The following ANKRD30A variants were observed in gnomAD, a reference collection of about 807,000 sequenced individuals.
ANKRD30A encodes the protein ankyrin repeat domain 30A.
A neutral mutation model predicts 166.3 loss-of-function variants in ANKRD30A; 170 were observed. The observed-to-expected ratio is 1.02, with a 90% CI of 0.90 to 1.16. ANKRD30A has a LOEUF of 1.16. Among genes scored for constraint, ANKRD30A ranks in the 50% most tolerant of loss-of-function variants. The pLI is 0.00. For missense variants in ANKRD30A, 1,630 were observed against 1,518.0 expected (o/e 1.07, Z -1.23); for synonymous variants, 564 against 508.9 (o/e 1.11, Z -1.46).
intron 25 of ANKRD30A, among the ~76,000 whole-genome samples, chr10:37,192,752 T>G (rs934682141): frequency 1.2e-4 from 19 of 152,098 alleles, no homozygotes; most frequent in Non-Finnish European, 2.8e-4. Flanking sequence ...ATACAACTTC[T>G]TTCCTTATAC....
At position 37,219,465 on chromosome 10, in the gene ANKRD30A, A is replaced by G; in HGVS notation, c.3753A>G (p.Gln1251=). Reference sequence around the variant, plus strand: ...TATATAACAATGAGGTGCTCCATCAACCACTTTCTGAAGCTCAAAGGAAAT... The same window carrying G: ...TATATAACAATGAGGTGCTCCATCAGCCACTTTCTGAAGCTCAAAGGAAAT... ...STIYNNEVLH[Q]PLSEAQRKSK... Residue 1251 remains glutamine, a synonymous_variant, in exon 34 of 36, where the codon CAA becomes CAG. Transcript: ENST00000361713. 1 of 1,610,196 alleles carries G rather than the reference A, an allele frequency of 6.2e-7. No individual in the cohort carries two copies. Among genetic ancestry groups the G allele is most frequent in the Non-Finnish European group, 8.5e-7 (1 of 1,177,606 alleles).
In ANKRD30A at chr10:37,219,385, A is replaced by T. The variant is rs1321258303; in HGVS notation, c.3673A>T (p.Ile1225Phe). 2 of 1,610,610 alleles carry T rather than the reference A, an allele frequency of 1.2e-6. No individual in the cohort carries two copies. Among genetic ancestry groups the T allele is most frequent in the Middle Eastern group, 1.7e-4 (1 of 6,042 alleles). Residue 1225 changes from isoleucine (I) to phenylalanine (F), a missense_variant, in exon 34 of 36, where the codon ATT becomes TTT. By Grantham distance (21) the Ile-to-Phe change is conservative. Coordinates refer to ENST00000361713, the MANE Select transcript of ANKRD30A (RefSeq NM_052997.3). ...SRKSQEPAFH[I>F]AGDACLQRKM... Reference sequence around the variant, plus strand: ...AAAAAGTCAAGAACCTGCTTTCCACATTGCAGGAGATGCTTGTTTGCAAAG... The same window carrying T: ...AAAAAGTCAAGAACCTGCTTTCCACTTTGCAGGAGATGCTTGTTTGCAAAG...
chr10:37,225,570 A>G (rs1564596384), intron 34 of ANKRD30A, among the ~76,000 whole-genome samples: 1 of 151,886 alleles, frequency 6.6e-6, no homozygotes, highest in African/African-American at 2.4e-5. Flanking sequence ...CTACCCACAT[A>G]CTTTGGGGAA....
intron 15 of ANKRD30A, among the ~76,000 whole-genome samples, chr10:37,159,243 A>G (rs1345024830): frequency 2.6e-5 from 4 of 152,192 alleles, no homozygotes; most frequent in Non-Finnish European, 5.9e-5. Context: ...CAGGCTGTGC[A>G]TGGTGACACG....
intron 34 of ANKRD30A, among the ~76,000 whole-genome samples, chr10:37,227,957 G>C (rs1257740247): frequency 6.6e-6 from 1 of 151,916 alleles, no homozygotes; most frequent in Non-Finnish European, 1.5e-5. Flanking sequence ...ATCCTCTTTT[G>C]ACCTGGCACC....
the ANKRD30A span, among the ~76,000 whole-genome samples, chr10:37,251,436 G>A: frequency 2.6e-5 from 4 of 152,106 alleles, no homozygotes; most frequent in Non-Finnish European, 4.4e-5. Context: ...AAGGACCCTT[G>A]TCTAACACAG....
chr10:37,137,154 A>G (rs1010640946), intron 6 of ANKRD30A, among the ~76,000 whole-genome samples: 4 of 152,078 alleles, frequency 2.6e-5, no homozygotes, highest in Non-Finnish European at 5.9e-5. Flanking sequence ...AATAAATTTT[A>G]TTACAAATTA....
the ANKRD30A span, among the ~76,000 whole-genome samples, chr10:37,265,465 T>C: frequency 6.6e-6 from 1 of 152,142 alleles, no homozygotes; most frequent in African/African-American, 2.4e-5. Flanking sequence ...TCTGGGTGTA[T>C]TTCTCTGCAC....
chr10:37,216,409 T>C lies in ANKRD30A; in HGVS notation c.3083+15T>C, dbSNP rs1265188697. On this transcript the variant is annotated intron_variant, in intron 32 of 35. Coordinates refer to ENST00000361713, the MANE Select transcript of ANKRD30A (RefSeq NM_052997.3). ...TGCAGTGTGAGGTGTGATTTCCTAGTTTTAAATAAATATTTCAGCTATTTA... is the reference window on the plus strand; with the variant it reads ...TGCAGTGTGAGGTGTGATTTCCTAGCTTTAAATAAATATTTCAGCTATTTA... 2 of 1,568,242 alleles carry C rather than the reference T, an allele frequency of 1.3e-6. No individual in the cohort carries two copies. The highest frequency in any genetic ancestry group is 2.0e-5 in the Admixed American group (1 of 50,404).
chr10:37,192,822 T>C (rs961968375), intron 25 of ANKRD30A, among the ~76,000 whole-genome samples: 35 of 152,014 alleles, frequency 2.3e-4, no homozygotes, highest in African/African-American at 7.5e-4. Context: ...ACCTTAAATA[T>C]ATTTTCAATG....
intron 31 of ANKRD30A, among the ~76,000 whole-genome samples, chr10:37,207,334 G>A (rs1271561324): frequency 6.6e-6 from 1 of 152,054 alleles, no homozygotes; most frequent in East Asian, 1.9e-4. Flanking sequence ...AGTGTATCTT[G>A]TACTTCAGAA....
the ANKRD30A span, among the ~76,000 whole-genome samples, chr10:37,254,344 G>T: frequency 1.3e-5 from 2 of 152,122 alleles, no homozygotes; most frequent in Non-Finnish European, 2.9e-5. Context: ...ATGTATGAAA[G>T]ATCTAATTTC....
chr10:37,164,947 G>T (rs978781913), intron 17 of ANKRD30A, 147 bp from the exon 18 acceptor site: 1 of 764,156 alleles, frequency 1.3e-6, no homozygotes, highest in Non-Finnish European at 2.2e-6. Context: ...AATGACTATA[G>T]AAGTAGTCAT....
chr10:37,246,336 C>T, the ANKRD30A span, among the ~76,000 whole-genome samples: 1 of 152,170 alleles, frequency 6.6e-6, no homozygotes, highest in Non-Finnish European at 1.5e-5. Flanking sequence ...TCTAACCTTG[C>T]ATTTGTCCGA....
chr10:37,147,129 A>G (rs1837564651), intron 8 of ANKRD30A, among the ~76,000 whole-genome samples: 2 of 152,232 alleles, frequency 1.3e-5, no homozygotes, highest in African/African-American at 2.4e-5. Context: ...ATTTTTGTCA[A>G]TGTTATTTAT....
intron 13 of ANKRD30A, among the ~76,000 whole-genome samples, chr10:37,157,434 T>C (rs868272052): frequency 1.9e-4 from 29 of 152,210 alleles, no homozygotes; most frequent in Admixed American, 1.2e-3. Flanking sequence ...GGCATGATCT[T>C]GGCTCATTGC....
the ANKRD30A span, among the ~76,000 whole-genome samples, chr10:37,243,784 G>A: frequency 1.3e-5 from 2 of 152,032 alleles, no homozygotes; most frequent in African/African-American, 4.8e-5. Context: ...TGAAATCAAT[G>A]TGTGCTTTAT....
chr10:37,212,657 G>T (rs1420392592), intron 31 of ANKRD30A, among the ~76,000 whole-genome samples: 1 of 151,974 alleles, frequency 6.6e-6, no homozygotes, highest in Non-Finnish European at 1.5e-5. Context: ...CATGGTACTG[G>T]TACCAAAACA....
intron 1 of ANKRD30A, among the ~76,000 whole-genome samples, chr10:37,126,503 T>A (rs2132498087): frequency 6.6e-6 from 1 of 152,322 alleles, no homozygotes; most frequent in Admixed American, 6.5e-5. Context: ...TATGTAAATA[T>A]GTTCTTTGCT....
Sources: gnomAD v4.1 joint callset for allele counts (sites outside exome capture counted in the v4.1 genomes callset) on GRCh38, gnomAD v4.1.1 for gene constraint, MANE v1.5 for transcripts, NCBI Gene and HGNC (gene_info 2026-07-23, HGNC 2026-07-21) for gene names.